Variants in CPA6 observed in about 807,000 individuals in gnomAD.
CPA6 encodes the protein carboxypeptidase A6.
In CPA6, 58 loss-of-function variants were observed where a neutral mutation model predicts 63.3. The observed-to-expected ratio is 0.92, with a 90% CI of 0.74 to 1.14. The LOEUF (loss-of-function observed/expected upper bound fraction) is 1.14, where lower values mean the gene tolerates loss of function less well. Among genes scored for constraint, CPA6 ranks in the 50% most tolerant of loss-of-function variants. CPA6 has a pLI of 0.00. For missense variants in CPA6, 565 were observed against 526.6 expected (o/e 1.07, Z -0.71); for synonymous variants, 185 against 179.0 (o/e 1.03, Z -0.27).
intron 1 of CPA6, among the ~76,000 whole-genome samples, chr8:67,681,682 G>T (rs1291623223): frequency 6.6e-6 from 1 of 151,296 alleles, no homozygotes; most frequent in African/African-American, 2.4e-5. Flanking sequence ...TTACTTCATT[G>T]TCCTTGCACC....
chr8:67,677,617 A>G (rs992281945), intron 1 of CPA6, among the ~76,000 whole-genome samples: 22 of 152,190 alleles, frequency 1.4e-4, no homozygotes, highest in African/African-American at 5.3e-4. Flanking sequence ...TGTGCCATAT[A>G]TAAATGAGAT....
chr8:67,548,079 T>C (rs1054070664), intron 2 of CPA6, among the ~76,000 whole-genome samples: 10 of 151,744 alleles, frequency 6.6e-5, no homozygotes, highest in Non-Finnish European at 4.4e-5. Flanking sequence ...TTTTTTCTTT[T>C]CTTTTCTTTC....
chr8:67,525,333 A>G (rs73692106), intron 2 of CPA6, among the ~76,000 whole-genome samples: 2,375 of 152,360 alleles, frequency 0.016, 64 homozygotes, highest in African/African-American at 0.052. Flanking sequence ...ATGAAAATAT[A>G]TCAACTAACA....
At chr8:67,708,125 A>G (rs1481562377) in intron 1 of CPA6, among the ~76,000 whole-genome samples, 14 of 152,180 alleles carry the variant, frequency 9.2e-5, no homozygotes, top group Admixed American at 9.2e-4. Flanking sequence ...TTTTGATGGC[A>G]CAAACCCATG....
At chr8:67,534,991 T>C (rs562909013) in intron 2 of CPA6, among the ~76,000 whole-genome samples, 13 of 152,132 alleles carry the variant, frequency 8.5e-5, no homozygotes, top group Admixed American at 2.0e-4. Flanking sequence ...GTTAGACTGC[T>C]GAGAATGATG....
chr8:67,508,117 G>A (rs1357460552), intron 5 of CPA6, among the ~76,000 whole-genome samples: 1 of 150,922 alleles, frequency 6.6e-6, no homozygotes, highest in Admixed American at 6.6e-5. Flanking sequence ...AGCATGAGAG[G>A]GTCAAGAATG....
chr8:67,545,521 A>G (rs1309621532), intron 2 of CPA6, among the ~76,000 whole-genome samples: 1 of 143,836 alleles, frequency 7.0e-6, no homozygotes, highest in African/African-American at 2.5e-5. Context: ...CCCTGGCTTT[A>G]GTCTTTCATT....
At chr8:67,549,242 T>C (rs1211105597) in intron 2 of CPA6, among the ~76,000 whole-genome samples, 1 of 152,052 alleles carries the variant, frequency 6.6e-6, no homozygotes, top group African/African-American at 2.4e-5. Context: ...TTTTGAGAGG[T>C]AAAAGGAAGA....
rs186805537 is a variant in CPA6 at position 67,725,333 on chromosome 8, G to T, written c.116+20681C>A. 3.3e-5 allele frequency among the ~76,000 whole-genome samples: 5 copies of T among 152,242 alleles called. No individual in the cohort carries two copies. The East Asian group carries it at 9.6e-4, about 29-fold the overall frequency. On this transcript the variant is annotated intron_variant, in intron 1 of 10. Transcript: ENST00000297770. ...TATCTAAAACAATTTGGGACATATAGGTGCTCAATACAAATTTAACAAATA... is the reference window on the plus strand; with the variant it reads ...TATCTAAAACAATTTGGGACATATATGTGCTCAATACAAATTTAACAAATA...
chr8:67,541,480 C>T (rs1312484681), intron 2 of CPA6, among the ~76,000 whole-genome samples: 6 of 152,022 alleles, frequency 3.9e-5, no homozygotes, highest in African/African-American at 9.7e-5. Flanking sequence ...TGTTCTGTTC[C>T]GTTCTGATTA....
At chr8:67,692,993 G>GAA (rs1816843130) in intron 1 of CPA6, among the ~76,000 whole-genome samples, 1 of 152,180 alleles carries the variant, frequency 6.6e-6, no homozygotes, top group African/African-American at 2.4e-5. Context: ...AGCAGGAAGA[G>GAA]AAACCTGAAC....
chr8:67,438,585 C>T (rs1367798070), intron 8 of CPA6, among the ~76,000 whole-genome samples: 1 of 152,122 alleles, frequency 6.6e-6, no homozygotes, highest in African/African-American at 2.4e-5. Flanking sequence ...AGAAAGTATT[C>T]CCACAAAATA....
intron 2 of CPA6, among the ~76,000 whole-genome samples, chr8:67,590,187 A>G (rs1814075690): frequency 6.6e-6 from 1 of 151,874 alleles, no homozygotes; most frequent in Non-Finnish European, 1.5e-5. Context: ...ATTATTTCCA[A>G]TTTCATCCAT....
At chr8:67,699,958 A>T (rs1365895743) in intron 1 of CPA6, among the ~76,000 whole-genome samples, 1 of 152,206 alleles carries the variant, frequency 6.6e-6, no homozygotes, top group Non-Finnish European at 1.5e-5. Flanking sequence ...TGTATGTAAA[A>T]TTCTGTATGC....
chr8:67,717,288 G>T (rs1817402206), intron 1 of CPA6, among the ~76,000 whole-genome samples: 1 of 152,292 alleles, frequency 6.6e-6, no homozygotes, highest in South Asian at 2.1e-4. Flanking sequence ...AGCTGCACAG[G>T]GGAGGGAAGG....
At chr8:67,739,774 G>A (rs578197973) in intron 1 of CPA6, among the ~76,000 whole-genome samples, 2 of 152,274 alleles carry the variant, frequency 1.3e-5, no homozygotes, top group Admixed American at 6.5e-5. Flanking sequence ...TGATGTAGTC[G>A]ACAACAGGGA....
chr8:67,678,144 C>A (rs1816516827), intron 1 of CPA6, among the ~76,000 whole-genome samples: 1 of 151,666 alleles, frequency 6.6e-6, no homozygotes. Flanking sequence ...AGGAGAATCA[C>A]TTGAGCCTGG....
At chr8:67,662,935 G>A (rs150181202) in intron 1 of CPA6, among the ~76,000 whole-genome samples, 210 of 152,268 alleles carry the variant, frequency 1.4e-3, no homozygotes, top group Non-Finnish European at 1.5e-3. Flanking sequence ...AGCAGGAGAA[G>A]ACAGATGAGA....
chr8:67,451,765 C>T (rs1366258299), intron 8 of CPA6, among the ~76,000 whole-genome samples: 1 of 152,174 alleles, frequency 6.6e-6, no homozygotes, highest in African/African-American at 2.4e-5. Flanking sequence ...GATATCACCA[C>T]CACCACCACC....
Sources: allele counts gnomAD v4.1 joint callset (sites outside exome capture counted in the v4.1 genomes callset), GRCh38; gene constraint gnomAD v4.1.1; transcripts MANE v1.5; gene names NCBI Gene and HGNC (gene_info 2026-07-23, HGNC 2026-07-21).